Variants in STARD13 observed in about 807,000 individuals in gnomAD.
STARD13 encodes stAR-related lipid transfer protein 13.
In STARD13, 62 loss-of-function variants were observed where a neutral mutation model predicts 106.4. The ratio of observed to expected loss-of-function variants is 0.58; its 90% confidence interval spans 0.48 to 0.72. STARD13 has a LOEUF of 0.72. Among genes scored for constraint, STARD13 ranks in the 30% least tolerant of loss-of-function variants. The probability of loss-of-function intolerance (pLI) is 0.00; values close to 1 mark genes in which losing one functional copy is unlikely to be tolerated. For missense variants in STARD13, 1,387 were observed against 1,424.0 expected, an observed-to-expected ratio of 0.97 and a Z score of 0.42; for synonymous variants, 565 against 553.0, an observed-to-expected ratio of 1.02 and a Z score of -0.31.
At chr13:33,438,794 T>C in the STARD13 span, among the ~76,000 whole-genome samples, 1 of 152,150 alleles carries the variant, frequency 6.6e-6, no homozygotes, top group African/African-American at 2.4e-5. Context: ...AATAATGAAC[T>C]GAAACTGGTT....
At chr13:33,202,903 T>G (rs990278215) in intron 1 of STARD13, among the ~76,000 whole-genome samples, 1 of 152,064 alleles carries the variant, frequency 6.6e-6, no homozygotes, top group African/African-American at 2.4e-5. Context: ...AAAGAAACCT[T>G]TGAGATCAAA....
intron 1 of STARD13, among the ~76,000 whole-genome samples, chr13:33,170,675 C>T (rs575440135): frequency 1.3e-4 from 20 of 152,258 alleles, no homozygotes; most frequent in Non-Finnish European, 2.2e-4. Flanking sequence ...GGTGACTCCT[C>T]GTGTAGCATC....
the STARD13 span, among the ~76,000 whole-genome samples, chr13:33,366,161 C>A: frequency 2.0e-5 from 3 of 151,886 alleles, no homozygotes; most frequent in Non-Finnish European, 4.4e-5. The surrounding 1 kb of genome is among the most constrained non-coding windows in gnomAD (Gnocchi z 4.2). Context: ...CTTAGTATGT[C>A]AATGAATGCA....
intron 3 of STARD13, among the ~76,000 whole-genome samples, chr13:33,148,159 T>C (rs1394417113): frequency 6.6e-6 from 1 of 152,126 alleles, no homozygotes; most frequent in African/African-American, 2.4e-5. Context: ...TTGAATAAAG[T>C]GATGACCTTT....
the STARD13 span, among the ~76,000 whole-genome samples, chr13:33,618,857 A>C: frequency 6.6e-6 from 1 of 151,996 alleles, no homozygotes; most frequent in African/African-American, 2.4e-5. Flanking sequence ...TCAAGATGAC[A>C]GAAGCATCTG....
the STARD13 span, among the ~76,000 whole-genome samples, chr13:33,451,560 T>G: frequency 0.38 from 57,921 of 151,858 alleles, 11,046 homozygotes; most frequent in Middle Eastern, 0.4. Flanking sequence ...GGGGTTTGGA[T>G]CATGAGAAAA....
chr13:33,129,651 C>G lies in STARD13; in HGVS notation c.1026G>C (p.Gly342=). The G allele has an allele frequency of 2.5e-6, 4 of 1,613,978 alleles. No individual in the cohort carries two copies. Among genetic ancestry groups the G allele is most frequent in the Non-Finnish European group, 2.5e-6 (3 of 1,180,040 alleles). Residue 342 remains glycine (G), a synonymous_variant, in exon 5 of 14, where the codon GGG becomes GGC. Transcript: ENST00000336934. The part of the protein sequence containing the change: ...ESSPSEHSSS[G]VSTPCLKERK... ...GTTCCTTCAGGCAGGGCGTGCTCAC[C>G]CCGCTGCTGCTGTGCTCCGACGGGC...
the STARD13 span, among the ~76,000 whole-genome samples, chr13:33,519,302 T>C: frequency 9.7e-6 from 1 of 103,036 alleles, no homozygotes; most frequent in South Asian, 2.9e-4. Context: ...TTTCTCTCTC[T>C]CTTTCTTTCT....
chr13:33,430,681 T>C, the STARD13 span, among the ~76,000 whole-genome samples: 1 of 152,210 alleles, frequency 6.6e-6, no homozygotes, highest in African/African-American at 2.4e-5. Context: ...CTAAGTGCCC[T>C]TCAATGGATA....
At chr13:33,211,236 TA>T (rs1304018095) in intron 1 of STARD13, among the ~76,000 whole-genome samples, 1 of 151,184 alleles carries the variant, frequency 6.6e-6, no homozygotes, top group Non-Finnish European at 1.5e-5. Context: ...GATATTAAAA[TA>T]AAAATATTAT....
the STARD13 span, among the ~76,000 whole-genome samples, chr13:33,450,990 C>T: frequency 6.6e-6 from 1 of 151,704 alleles, no homozygotes; most frequent in Non-Finnish European, 1.5e-5. Context: ...TCGAGGAATC[C>T]TTCCACCTCT....
At chr13:33,320,127 G>A (rs1259338638) in intron 1 of STARD13, among the ~76,000 whole-genome samples, 1 of 152,202 alleles carries the variant, frequency 6.6e-6, no homozygotes, top group African/African-American at 2.4e-5. Flanking sequence ...ACAGCCTTTG[G>A]CTACTGCTAG....
chr13:33,183,573 G>T (rs1255903362), intron 1 of STARD13, among the ~76,000 whole-genome samples: 2 of 152,220 alleles, frequency 1.3e-5, no homozygotes, highest in Non-Finnish European at 2.9e-5. Context: ...TGGGGCTGTG[G>T]TTGGGCTGAG....
At chr13:33,631,069 A>G in the STARD13 span, among the ~76,000 whole-genome samples, 1 of 152,222 alleles carries the variant, frequency 6.6e-6, no homozygotes, top group Non-Finnish European at 1.5e-5. Context: ...AGTGTGCATT[A>G]TATACCGGTG....
chr13:33,644,039 T>A, the STARD13 span, among the ~76,000 whole-genome samples: 1 of 152,222 alleles, frequency 6.6e-6, no homozygotes. Context: ...ACTAAAATTA[T>A]GAAACAACAG....
intron 7 of STARD13, among the ~76,000 whole-genome samples, chr13:33,122,264 G>T (rs1426260746): frequency 6.6e-6 from 1 of 152,222 alleles, no homozygotes; most frequent in Non-Finnish European, 1.5e-5. Context: ...TTTTAAGTGT[G>T]AGCCACCATA....
intron 1 of STARD13, among the ~76,000 whole-genome samples, chr13:33,233,124 T>G (rs1005493419): frequency 1.3e-5 from 2 of 152,258 alleles, no homozygotes; most frequent in Non-Finnish European, 2.9e-5. Context: ...GGGCAGGTAC[T>G]GGGTGAAACC....
At chr13:33,108,200 C>A (rs1219914883) in intron 12 of STARD13, among the ~76,000 whole-genome samples, 1 of 152,218 alleles carries the variant, frequency 6.6e-6, no homozygotes, top group Admixed American at 6.5e-5. Context: ...TGAAAGGTGA[C>A]CAGCCTCATA....
intron 1 of STARD13, among the ~76,000 whole-genome samples, chr13:33,272,302 G>A (rs1891204107): frequency 6.6e-6 from 1 of 152,158 alleles, no homozygotes; most frequent in African/African-American, 2.4e-5. Context: ...ATACTCCAAT[G>A]GGCATTTCCT....
Sources: gnomAD v4.1 joint callset for allele counts (sites outside exome capture counted in the v4.1 genomes callset) on GRCh38, gnomAD v4.1.1 for gene constraint, Gnocchi (gnomAD v3.1) non-coding constraint, MANE v1.5 for transcripts, NCBI Gene and HGNC (gene_info 2026-07-23, HGNC 2026-07-21) for gene names.